RAD51B: variants seen among roughly 807,000 people sequenced by gnomAD.
RAD51B encodes the protein RAD51 paralog B.
RAD51B carries 38 observed loss-of-function variants against 42.2 expected under a neutral mutation model. That is an observed-to-expected ratio of 0.90 (90% CI 0.70 to 1.18). The LOEUF is 1.18. RAD51B is among the 50% of genes most tolerant of loss of function. The pLI, the probability that RAD51B is intolerant of heterozygous loss-of-function variation, is 0.00. For missense variants in RAD51B, 373 were observed against 400.7 expected (o/e 0.93, Z 0.59); for synonymous variants, 154 against 145.2 (o/e 1.06, Z -0.43).
chr14:68,506,382 C>T (rs61986943), intron 10 of RAD51B, among the ~76,000 whole-genome samples: 23,102 of 152,204 alleles, frequency 0.15, 2,391 homozygotes, highest in Non-Finnish European at 0.23. Context: ...CACTCAGGCT[C>T]GGGGTAAATG....
rs183438099 is a variant in RAD51B at position 68,291,840 on chromosome 14, T to G, written c.757-44T>G. On this transcript the variant is annotated intron_variant, in intron 7 of 10. Coordinates refer to ENST00000471583, the MANE Select transcript of RAD51B (RefSeq NM_133510.4). The stretch of plus-strand genomic sequence containing the variant: ...ATAATTAATTTGGTCTTCCCTGTCT[T>G]TCTTCTCCCTTGCCCCCTACCCCTT... 19 of 1,463,058 alleles carry G rather than the reference T, an allele frequency of 1.3e-5. No individual in the cohort carries two copies. The Admixed American group carries it at 2.7e-4, about 21-fold the overall frequency. The allele number at this position is 1,463,058 out of a possible 1,614,324, so 90.6% of individuals were successfully genotyped here.
intron 8 of RAD51B, among the ~76,000 whole-genome samples, chr14:68,329,949 T>A (rs2082316909): frequency 7.1e-6 from 1 of 141,572 alleles, no homozygotes; most frequent in Admixed American, 7.4e-5. Context: ...GCCACAGCAC[T>A]CCAGCCTGGG....
chr14:68,508,254 C>A (rs1885481673), intron 10 of RAD51B, among the ~76,000 whole-genome samples: 1 of 152,128 alleles, frequency 6.6e-6, no homozygotes, highest in African/African-American at 2.4e-5. Flanking sequence ...CAATTCACAA[C>A]ATCTAGTCAC....
chr14:67,904,740 C>G (rs2043727266), intron 7 of RAD51B, among the ~76,000 whole-genome samples: 1 of 151,820 alleles, frequency 6.6e-6, no homozygotes, highest in Non-Finnish European at 1.5e-5. Flanking sequence ...TGTTTATGTC[C>G]TTTGCCCATT....
chr14:68,070,696 T>C (rs1179360470), intron 7 of RAD51B, among the ~76,000 whole-genome samples: 1 of 152,230 alleles, frequency 6.6e-6, no homozygotes, highest in Non-Finnish European at 1.5e-5. Context: ...TAGTATAGTT[T>C]GAAGTCAGGT....
At chr14:68,283,606 C>A (rs753899767) in intron 7 of RAD51B, among the ~76,000 whole-genome samples, 3 of 152,192 alleles carry the variant, frequency 2.0e-5, no homozygotes, top group Non-Finnish European at 4.4e-5. Context: ...TGACAGGATG[C>A]CGTCGGGGTT....
At chr14:67,992,779 T>C (rs981525883) in intron 7 of RAD51B, among the ~76,000 whole-genome samples, 1 of 152,108 alleles carries the variant, frequency 6.6e-6, no homozygotes, top group Non-Finnish European at 1.5e-5. Flanking sequence ...GGAAGCATTA[T>C]TTATATTTGG....
chr14:68,162,348 C>A (rs1283595262), intron 7 of RAD51B, among the ~76,000 whole-genome samples: 3 of 151,886 alleles, frequency 2.0e-5, no homozygotes, highest in African/African-American at 7.3e-5. Context: ...TAAAATAAGT[C>A]CTATAATTTT....
chr14:68,199,790 C>T (rs1252390347), intron 7 of RAD51B, among the ~76,000 whole-genome samples: 1 of 152,166 alleles, frequency 6.6e-6, no homozygotes, highest in African/African-American at 2.4e-5. Context: ...CTTGGCTAAG[C>T]CAAGGGAACA....
intron 10 of RAD51B, among the ~76,000 whole-genome samples, chr14:68,528,567 G>C (rs566458156): frequency 6.6e-6 from 1 of 152,308 alleles, no homozygotes; most frequent in African/African-American, 2.4e-5. Flanking sequence ...TAAATGTCAG[G>C]AGGGTGGCAT....
intron 8 of RAD51B, among the ~76,000 whole-genome samples, chr14:68,362,575 C>A (rs542678171): frequency 3.3e-5 from 5 of 152,056 alleles, no homozygotes; most frequent in African/African-American, 1.2e-4. Context: ...AGAGGCCGGG[C>A]GCAGTGGCTC....
intron 7 of RAD51B, among the ~76,000 whole-genome samples, chr14:68,281,067 GA>G (rs201705512): frequency 3.1e-4 from 45 of 145,862 alleles, no homozygotes; most frequent in Admixed American, 1.2e-3. Flanking sequence ...AAAAAAAAAT[GA>G]AAAAAAAAAT....
intron 7 of RAD51B, among the ~76,000 whole-genome samples, chr14:68,154,575 T>A (rs2078460266): frequency 1.3e-5 from 2 of 152,202 alleles, no homozygotes; most frequent in Non-Finnish European, 2.9e-5. Context: ...TTTCTCTGAA[T>A]TTTCAGCTCC....
At chr14:67,839,522 C>T (rs896908026) in intron 4 of RAD51B, among the ~76,000 whole-genome samples, 1 of 151,794 alleles carries the variant, frequency 6.6e-6, no homozygotes, top group Non-Finnish European at 1.5e-5. Context: ...TTTTTGTCCC[C>T]CTTTCCATTT....
Position 68,654,408 on chromosome 14 carries a change from G to A in RAD51B, c.*11+3552G>A, listed in dbSNP as rs149703682. Among the ~76,000 whole-genome samples, 163 of 152,326 alleles carry A rather than the reference G, an allele frequency of 1.1e-3. 1 individual carries two copies. The highest frequency in any genetic ancestry group is 3.6e-3 in the African/African-American group (148 of 41,570). ...TCCCTCCTTGTTTGCTTTTAGATCA[G>A]GCTCATGGGAGATGTCTGGTGGACA... is the stretch of plus-strand genomic sequence containing the variant. On this transcript the variant is annotated intron_variant, in intron 11 of 11. Transcript: ENST00000488612.
At chr14:68,304,830 G>T (rs1468030360) in intron 8 of RAD51B, among the ~76,000 whole-genome samples, 3 of 152,140 alleles carry the variant, frequency 2.0e-5, no homozygotes, top group African/African-American at 4.8e-5. Flanking sequence ...TGAGCAAATT[G>T]GTATGTTCAA....
chr14:68,635,237 G>T (rs28779190), intron 10 of RAD51B, among the ~76,000 whole-genome samples: 1 of 152,112 alleles, frequency 6.6e-6, no homozygotes, highest in Non-Finnish European at 1.5e-5. Context: ...GGGCTCCTCA[G>T]CCCCATGCCA....
At chr14:68,439,165 C>A (rs2085219819) in intron 9 of RAD51B, among the ~76,000 whole-genome samples, 1 of 54,612 alleles carries the variant, frequency 1.8e-5, no homozygotes, top group Admixed American at 1.9e-4. Flanking sequence ...CACACACACA[C>A]ACACACACAC....
At chr14:67,899,943 T>C (rs2043553571) in intron 7 of RAD51B, among the ~76,000 whole-genome samples, 1 of 152,234 alleles carries the variant, frequency 6.6e-6, no homozygotes, top group South Asian at 2.1e-4. Context: ...TGTGTTCTTA[T>C]TCATAATGGA....
Sources: allele counts gnomAD v4.1 joint callset (sites outside exome capture counted in the v4.1 genomes callset), GRCh38; gene constraint gnomAD v4.1.1; transcripts MANE v1.5; gene names NCBI Gene and HGNC (gene_info 2026-07-23, HGNC 2026-07-21).